MALRD1: variants seen among roughly 807,000 people sequenced by gnomAD.
MALRD1 encodes MAM and LDL receptor class A domain containing 1.
In MALRD1, 247 loss-of-function variants were observed where a neutral mutation model predicts 242.1. The ratio of observed to expected loss-of-function variants is 1.02; its 90% confidence interval spans 0.92 to 1.13. The LOEUF (loss-of-function observed/expected upper bound fraction) is 1.13. Among genes scored for constraint, MALRD1 ranks in the 50% most tolerant of loss-of-function variants. The probability of loss-of-function intolerance (pLI) is 0.00; values close to 1 mark genes in which losing one functional copy is unlikely to be tolerated. For synonymous variants in MALRD1, 995 were observed against 866.6 expected, an observed-to-expected ratio of 1.15 and a Z score of -2.60; for missense variants, 2,989 against 2,533.1, an observed-to-expected ratio of 1.18 and a Z score of -3.86.
At chr10:19,589,438 G>A (rs1371874766) in intron 33 of MALRD1, among the ~76,000 whole-genome samples, 1 of 152,122 alleles carries the variant, frequency 6.6e-6, no homozygotes, top group Non-Finnish European at 1.5e-5. Context: ...GAATAAATCA[G>A]TTGCAAACAA....
At chr10:19,375,161 C>T (rs1845544115) in intron 26 of MALRD1, among the ~76,000 whole-genome samples, 1 of 152,122 alleles carries the variant, frequency 6.6e-6, no homozygotes, top group South Asian at 2.1e-4. Flanking sequence ...AGTAGAAACA[C>T]AACTTATTCT....
chr10:19,487,210 C>G (rs914572066), intron 29 of MALRD1, among the ~76,000 whole-genome samples: 1 of 151,934 alleles, frequency 6.6e-6, no homozygotes, highest in African/African-American at 2.4e-5. Context: ...TATTTGACAA[C>G]CAGGTGAATA....
chr10:19,462,702 A>G (rs1228330268), intron 29 of MALRD1, among the ~76,000 whole-genome samples: 1 of 152,262 alleles, frequency 6.6e-6, no homozygotes, highest in Non-Finnish European at 1.5e-5. Flanking sequence ...GTATAGAAGG[A>G]TATTACACAG....
At chr10:19,363,867 T>A (rs1845001504) in intron 26 of MALRD1, among the ~76,000 whole-genome samples, 1 of 152,074 alleles carries the variant, frequency 6.6e-6, no homozygotes, top group African/African-American at 2.4e-5. Context: ...GTCCCATAAG[T>A]CAGTATTTCT....
intron 34 of MALRD1, among the ~76,000 whole-genome samples, chr10:19,604,813 A>G (rs1173781550): frequency 1.3e-5 from 2 of 152,292 alleles, no homozygotes; most frequent in Middle Eastern, 3.4e-3. Context: ...TAGTGCAGAC[A>G]TAACATTTAT....
At chr10:19,507,686 A>C (rs151204284) in intron 31 of MALRD1, among the ~76,000 whole-genome samples, 1 of 152,288 alleles carries the variant, frequency 6.6e-6, no homozygotes, top group Non-Finnish European at 1.5e-5. Flanking sequence ...TTGGATACTC[A>C]AAAGGAGTTA....
chr10:19,441,264 TA>T (rs1564342620), intron 28 of MALRD1, among the ~76,000 whole-genome samples: 2 of 152,186 alleles, frequency 1.3e-5, no homozygotes, highest in Non-Finnish European at 2.9e-5. Flanking sequence ...GGGTAGATTG[TA>T]AAAATTTTCT....
chr10:19,161,539 GAA>G (rs34437737), intron 12 of MALRD1, among the ~76,000 whole-genome samples: 2 of 56,688 alleles, frequency 3.5e-5, no homozygotes, highest in Non-Finnish European at 3.1e-5. Context: ...TAAAAATAAA[GAA>G]AAAAAAAGCA....
At position 19,257,776 on chromosome 10, in the gene MALRD1, G is replaced by C; in HGVS notation, c.3079+5G>C. On this transcript the variant is annotated splice_donor_5th_base_variant and intron_variant, in intron 19 of 39. Transcript: ENST00000454679. ...TGGACTGCACCCTCTACCCTGGTAAGAGAGAACATTTCAATTTGGGGTTAT... is the reference window on the plus strand; with the variant it reads ...TGGACTGCACCCTCTACCCTGGTAACAGAGAACATTTCAATTTGGGGTTAT... 1 of 1,491,074 alleles carries C rather than the reference G, an allele frequency of 6.7e-7. No individual in the cohort carries two copies. The highest frequency in any genetic ancestry group is 1.4e-5 in the South Asian group (1 of 72,830). The allele number at this position is 1,491,074 out of a possible 1,614,324, so 92.4% of individuals were successfully genotyped here. A position where few individuals can be genotyped will look rare whatever the true frequency, so the allele number is the denominator to read the frequency against.
chr10:19,098,405 TA>T (rs1836122446), intron 4 of MALRD1, among the ~76,000 whole-genome samples: 1 of 152,180 alleles, frequency 6.6e-6, no homozygotes, highest in South Asian at 2.1e-4. Context: ...TAGAATTTAT[TA>T]ATAAAGACAA....
intron 18 of MALRD1, 124 bp downstream of exon 18, chr10:19,209,804 T>G (rs962037185): frequency 1.1e-6 from 1 of 923,336 alleles, no homozygotes; most frequent in Non-Finnish European, 1.6e-6. Context: ...TTGAGACACA[T>G]TTATCATTTA....
chr10:19,352,151 G>C lies in MALRD1; in HGVS notation c.4295G>C (p.Gly1432Ala), dbSNP rs1844409305. The part of the protein sequence containing the change: ...FWRREELSLF[G>A]DEDFQLKFEG... ...CGGAGAGAAGAACTGTCACTGTTTGGTGATGAAGACTTCCAACTCAAATTT... is the reference window on the plus strand; with the variant it reads ...CGGAGAGAAGAACTGTCACTGTTTGCTGATGAAGACTTCCAACTCAAATTT... The change falls in exon 26 of 40, where the codon GGT becomes GCT. Residue 1432 changes from glycine to alanine, a missense_variant. Transcript: ENST00000454679. 6.4e-7 allele frequency: 1 copy of C among 1,550,614 alleles called. No homozygotes were observed. The highest frequency in any genetic ancestry group is 1.4e-5 in the African/African-American group (1 of 73,144).
chr10:19,444,715 A>G (rs1461887654), intron 28 of MALRD1, among the ~76,000 whole-genome samples: 5 of 152,230 alleles, frequency 3.3e-5, no homozygotes, highest in South Asian at 2.1e-4. Context: ...TGGGTAACCC[A>G]ACCTTTCTCT....
chr10:19,127,114 T>G (rs902877035), intron 7 of MALRD1, among the ~76,000 whole-genome samples: 4 of 152,226 alleles, frequency 2.6e-5, no homozygotes, highest in Non-Finnish European at 5.9e-5. Flanking sequence ...TGCATAGTAT[T>G]CCATGGTGTA....
intron 18 of MALRD1, among the ~76,000 whole-genome samples, chr10:19,244,235 A>T (rs1298627732): frequency 6.6e-6 from 1 of 152,148 alleles, no homozygotes; most frequent in African/African-American, 2.4e-5. Flanking sequence ...TAGGCTTCTT[A>T]TCTTTCCTTG....
In MALRD1 at chr10:19,595,407, T is replaced by A. The variant is rs1164164287; in HGVS notation, c.5894T>A (p.Leu1965Gln). 2 of 1,550,456 alleles carry A rather than the reference T, an allele frequency of 1.3e-6. No individual in the cohort carries two copies. Among genetic ancestry groups the A allele is most frequent in the South Asian group, 1.2e-5 (1 of 84,060 alleles). ...STDECIPSLL[L>Q]CDGVPDCHFN... is the part of the protein sequence containing the mutation. ...GACGAGTGTATACCTTCCCTCCTGC[T>A]ATGCGATGGAGTGCCCGACTGCCAC... The change falls in exon 34 of 40, where the codon CTA becomes CAA. Residue 1965 changes from leucine (L) to glutamine (Q), a missense_variant. Physicochemically the swap from Leu to Gln is moderately radical, Grantham distance 113. Coordinates refer to ENST00000454679, the MANE Select transcript of MALRD1 (RefSeq NM_001142308.3).
intron 38 of MALRD1, among the ~76,000 whole-genome samples, chr10:19,700,145 A>G (rs1833560217): frequency 6.6e-6 from 1 of 152,056 alleles, no homozygotes; most frequent in Admixed American, 6.6e-5. Flanking sequence ...CCACTGCAAT[A>G]GAAGACACCT....
rs1836307891 is a variant in MALRD1 at position 19,567,491 on chromosome 10, G to T, written c.5479-11G>T. 6.5e-7 allele frequency: 1 copy of T among 1,545,434 alleles called. No homozygotes were observed. The highest frequency in any genetic ancestry group is 1.2e-5 in the South Asian group (1 of 82,856). On this transcript the variant is annotated splice_polypyrimidine_tract_variant and intron_variant, in intron 32 of 39. Coordinates refer to ENST00000454679, the MANE Select transcript of MALRD1 (RefSeq NM_001142308.3). ...CAATCATAAAAAGTTATTTTTTAAT[G>T]ATTTTTAAAGGTGTATACCATTGAA...
At chr10:19,444,009 A>G (rs1420542637) in intron 28 of MALRD1, among the ~76,000 whole-genome samples, 1 of 152,190 alleles carries the variant, frequency 6.6e-6, no homozygotes, top group Admixed American at 6.6e-5. Context: ...GGGTGCATAT[A>G]TATTTAGAAT....
Sources: gnomAD v4.1 joint callset for allele counts (sites outside exome capture counted in the v4.1 genomes callset) on GRCh38, gnomAD v4.1.1 for gene constraint, MANE v1.5 for transcripts, NCBI Gene and HGNC (gene_info 2026-07-23, HGNC 2026-07-21) for gene names.